The following TOM1 variants were observed in gnomAD, a reference collection of about 807,000 sequenced individuals.
TOM1 encodes the protein target of Myb protein 1.
A neutral mutation model predicts 61.3 loss-of-function variants in TOM1; 38 were observed. The ratio of observed to expected loss-of-function variants is 0.62; its 90% CI spans 0.48 to 0.81. The LOEUF is 0.81. Ranked by LOEUF, TOM1 falls within the 40% of genes least tolerant of loss-of-function variation. The pLI is 0.00. For synonymous variants in TOM1, 270 were observed against 268.8 expected (o/e 1.00, Z -0.04); for missense variants, 591 against 659.6 (o/e 0.90, Z 1.14).
At position 35,347,699 on chromosome 22, in the gene TOM1, G is replaced by A. The variant is rs1930627770; in HGVS notation, c.*490G>A. ...CCCCATGGCTTTGGCTGGCCACTGA[G>A]GGTAGGGTGTGGAGGTGTGGAGGCC... On this transcript the variant is annotated 3_prime_UTR_variant, in exon 15 of 15. Transcript: ENST00000449058. The A allele has an allele frequency of 6.4e-6, 1 of 155,254 alleles. No homozygotes were observed. Among genetic ancestry groups the A allele is most frequent in the African/African-American group, 2.4e-5 (1 of 41,468 alleles). 9.6% of individuals were successfully genotyped at this position (155,254 alleles called of 1,614,324 possible).
Position 35,347,196 on chromosome 22 carries a change from T to A in TOM1, c.1466T>A (p.Leu489Gln). The A allele has an allele frequency of 6.2e-7, 1 of 1,610,602 alleles. No homozygotes were observed. The highest frequency in any genetic ancestry group is 1.3e-5 in the African/African-American group (1 of 74,900). Residue 489 changes from leucine to glutamine, a missense_variant, in exon 15 of 15, where the codon CTG becomes CAG. By Grantham distance (113) the Leu-to-Gln change is moderately radical. Coordinates refer to ENST00000449058, the MANE Select transcript of TOM1 (RefSeq NM_005488.3). Reference protein sequence around the residue: ...KKTQEKDDDMLFAL With the variant: ...KKTQEKDDDMQFAL ...ACCCAGGAGAAAGATGATGACATGC[T>A]GTTTGCCTTATGAGTGTGGGGTCTG...
chr22:35,299,853 G>A (rs1569013028), upstream of TOM1: 20 of 1,522,424 alleles, frequency 1.3e-5, no homozygotes, highest in Non-Finnish European at 1.8e-5. Context: ...CTCCGAGTGC[G>A]TCACGTGACG....
chr22:35,343,772 C>CCTACACAT, intron 12 of TOM1, among the ~76,000 whole-genome samples: 1 of 115,270 alleles, frequency 8.7e-6, no homozygotes, highest in South Asian at 2.5e-4. Context: ...TACACATACA[C>CCTACACAT]ACCTACACAC....
Position 35,323,728 on chromosome 22 carries a change from T to C in TOM1, c.502-40T>C. 6.2e-7 allele frequency: 1 copy of C among 1,601,724 alleles called. No individual in the cohort carries two copies. The highest frequency in any genetic ancestry group is 1.1e-5 in the South Asian group (1 of 89,928). ...CCCCTGACTTCCTGGGCTCTTGATG[T>C]TCCCAGGAGCCCTCACTGATCCTGT... On this transcript the variant is annotated intron_variant, in intron 5 of 14. Transcript: ENST00000449058. The surrounding 1 kb of genome is among the most constrained non-coding windows in gnomAD (Gnocchi z 4.2).
rs749433167 is a variant in TOM1 at position 35,338,741 on chromosome 22, G to A, written c.1177G>A (p.Asp393Asn). The change falls in exon 12 of 15, where the codon GAC becomes AAC. Residue 393 changes from aspartate to asparagine, a missense_variant. Physicochemically the swap from Asp to Asn is conservative, Grantham distance 23. Coordinates refer to ENST00000449058, the MANE Select transcript of TOM1 (RefSeq NM_005488.3). ...AAAATACGAAGCCCCCCAAGCAACAGACGGCCTGGCTGGAGCCCTGGACGC... is the reference window on the plus strand; with the variant it reads ...AAAATACGAAGCCCCCCAAGCAACAAACGGCCTGGCTGGAGCCCTGGACGC... ...EVKYEAPQATDGLAGALDARQ... is the reference protein window; with the variant it reads ...EVKYEAPQATNGLAGALDARQ... 3 of 1,599,380 alleles carry A rather than the reference G, an allele frequency of 1.9e-6. No homozygotes were observed. Among genetic ancestry groups the A allele is most frequent in the South Asian group, 1.1e-5 (1 of 88,504 alleles).
chr22:35,343,493 CAT>C (rs1189163864), intron 12 of TOM1, among the ~76,000 whole-genome samples: 1 of 144,448 alleles, frequency 6.9e-6, no homozygotes, highest in East Asian at 2.2e-4. Flanking sequence ...CCCCTACACA[CAT>C]CACACCTACA....
In TOM1 at chr22:35,346,966, G is replaced by C. The variant is rs771242580; in HGVS notation, c.1321G>C (p.Glu441Gln). 1 of 1,612,882 alleles carries C rather than the reference G, an allele frequency of 6.2e-7. No homozygotes were observed. The highest frequency in any genetic ancestry group is 8.5e-7 in the Non-Finnish European group (1 of 1,179,530). Residue 441 changes from glutamate (E) to glutamine (Q), a missense_variant, in exon 14 of 15, where the codon GAA (glutamate) becomes CAA (glutamine). Glu to Gln is a conservative substitution (Grantham distance 29). Transcript: ENST00000449058. ...DAEEPKGVTS[E>Q]EFDKFLEERA... ...GGAAGAGCCTAAGGGGGTCACCAGC[G>C]AAGGTAGTAGTCCCCGCCCCTGCCC...
At chr22:35,340,089 G>T (rs992941138) in intron 12 of TOM1, among the ~76,000 whole-genome samples, 1 of 152,244 alleles carries the variant, frequency 6.6e-6, no homozygotes, top group Admixed American at 6.5e-5. Flanking sequence ...GCATGTCAAC[G>T]TGTATCTGGA....
At chr22:35,343,046 C>T (rs1930039925) in intron 12 of TOM1, among the ~76,000 whole-genome samples, 1 of 143,932 alleles carries the variant, frequency 6.9e-6, no homozygotes, top group African/African-American at 2.6e-5. Flanking sequence ...CCACACACCA[C>T]ACCTCCACTC....
At chr22:35,318,046 G>GC in intron 2 of TOM1, 85 bp downstream of exon 2, 1 of 1,232,108 alleles carries the variant, frequency 8.1e-7, no homozygotes, top group Admixed American at 1.7e-5. Context: ...GGGAGCCCCT[G>GC]CCCCAGCCCC....
chr22:35,342,976 ACACT>A (rs1195771898), intron 12 of TOM1, among the ~76,000 whole-genome samples: 9 of 117,726 alleles, frequency 7.6e-5, no homozygotes, highest in Middle Eastern at 5.1e-3. Context: ...CCACACCTAC[ACACT>A]CATACACCTA....
chr22:35,321,895 G>A, intron 2 of TOM1, 64 bp from the exon 3 acceptor site: 4 of 1,376,184 alleles, frequency 2.9e-6, no homozygotes, highest in Non-Finnish European at 4.2e-6. Context: ...CAACTCTCCA[G>A]GGTCTCTGGT....
intron 1 of TOM1, among the ~76,000 whole-genome samples, chr22:35,304,767 T>A (rs1488897547): frequency 1.3e-5 from 2 of 152,232 alleles, no homozygotes; most frequent in Non-Finnish European, 2.9e-5. Flanking sequence ...CGTGAGCCAC[T>A]GCACCCGGCC....
intron 8 of TOM1, chr22:35,331,563 C>G (rs541486288): frequency 6.4e-6 from 2 of 313,130 alleles, no homozygotes; most frequent in Non-Finnish European, 1.3e-5. Flanking sequence ...AGCAGTTCCT[C>G]TAAAGAGTAC....
chr22:35,345,906 C>T (rs963438978), intron 13 of TOM1, 122 bp downstream of exon 13: 1 of 1,041,260 alleles, frequency 9.6e-7, no homozygotes, highest in Non-Finnish European at 1.5e-6. Context: ...GAGGGGCACA[C>T]TTAAAGTCCC....
At chr22:35,301,100 G>T (rs1371378944) in intron 1 of TOM1, among the ~76,000 whole-genome samples, 1 of 151,760 alleles carries the variant, frequency 6.6e-6, no homozygotes, top group Non-Finnish European at 1.5e-5. Flanking sequence ...GGTGGTGCGT[G>T]CCTGTGCACC....
intron 1 of TOM1, among the ~76,000 whole-genome samples, chr22:35,304,103 G>A (rs567088312): frequency 2.6e-4 from 40 of 152,306 alleles, no homozygotes; most frequent in African/African-American, 9.4e-4. Flanking sequence ...TTCACCAAAA[G>A]TCAGTCTAAG....
At chr22:35,343,905 A>C (rs766105155) in intron 12 of TOM1, among the ~76,000 whole-genome samples, 9 of 147,472 alleles carry the variant, frequency 6.1e-5, no homozygotes, top group South Asian at 2.2e-4. Flanking sequence ...CTGCACACAC[A>C]CCCCTACACA....
chr22:35,331,785 G>A (rs1928862747), intron 8 of TOM1, among the ~76,000 whole-genome samples: 2 of 152,150 alleles, frequency 1.3e-5, no homozygotes, highest in Admixed American at 6.6e-5. Context: ...TTACTTGGGA[G>A]GCTGAGGCAG....
Sources: gnomAD v4.1 joint callset for allele counts (sites outside exome capture counted in the v4.1 genomes callset) on GRCh38, gnomAD v4.1.1 for gene constraint, Gnocchi (gnomAD v3.1) non-coding constraint, MANE v1.5 for transcripts, NCBI Gene and HGNC (gene_info 2026-07-23, HGNC 2026-07-21) for gene names.